Variants in PAK1IP1 observed in about 807,000 individuals in gnomAD.
The protein encoded by PAK1IP1 is p21-activated protein kinase-interacting protein 1.
Under a neutral mutation model 42.0 loss-of-function variants are expected in PAK1IP1, and 24 were observed. The observed-to-expected ratio is 0.57, with a 90% CI of 0.41 to 0.80. PAK1IP1 has a LOEUF of 0.80. Ranked by LOEUF, PAK1IP1 falls within the 30% of genes least tolerant of loss-of-function variation. PAK1IP1 has a pLI of 0.00. For missense variants in PAK1IP1, 411 were observed against 467.9 expected (o/e 0.88, Z 1.12); for synonymous variants, 154 against 156.7 (o/e 0.98, Z 0.13).
rs537649452 is a variant in PAK1IP1 at position 10,703,530 on chromosome 6, C to T, written c.496+73C>T. ...ATCTGAAATGCTCCAAAATCTGAAA[C>T]TTTTTGAGCACTGATGTGGTGCCTC... On this transcript the variant is annotated intron_variant, in intron 5 of 9. Coordinates refer to ENST00000379568, the MANE Select transcript of PAK1IP1 (RefSeq NM_017906.3). The T allele has an allele frequency of 1.8e-4, 198 of 1,118,864 alleles. 4 individuals are homozygous for T. In the South Asian group the frequency reaches 2.6e-3, roughly 15 times the overall value. The allele number at this position is 1,118,864 out of a possible 1,614,324, so 69.3% of individuals were successfully genotyped here. A position where few individuals can be genotyped will look rare whatever the true frequency, so the allele number is the denominator to read the frequency against.
chr6:10,705,343 A>G (rs1770169672), intron 7 of PAK1IP1, among the ~76,000 whole-genome samples: 1 of 152,124 alleles, frequency 6.6e-6, no homozygotes, highest in African/African-American at 2.4e-5. Flanking sequence ...ATAATGCAAA[A>G]GTGGTGAAAT....
Position 10,703,429 on chromosome 6 carries a change from A to AT in PAK1IP1, c.469dup (p.Ser157PhefsTer30). 1 of 1,611,700 alleles carries AT rather than the reference A, an allele frequency of 6.2e-7. No individual in the cohort carries two copies. Among genetic ancestry groups the AT allele is most frequent in the Non-Finnish European group, 8.5e-7 (1 of 1,178,268 alleles). ...GAACGTGGAATCTTGTAGAAGGAAGATCAGCATTCATAAAAAATATAAAAC... is the reference window on the plus strand; with the variant it reads ...GAACGTGGAATCTTGTAGAAGGAAGATTCAGCATTCATAAAAAATATAAAAC... On this transcript the variant is annotated frameshift_variant, in exon 5 of 10. Transcript: ENST00000379568. LOFTEE classifies it high-confidence loss of function.
chr6:10,701,719 T>G (rs997687135), intron 2 of PAK1IP1, among the ~76,000 whole-genome samples: 1 of 152,234 alleles, frequency 6.6e-6, no homozygotes, highest in Admixed American at 6.5e-5. Flanking sequence ...GTACACCTGG[T>G]TTGTTCCCCA....
chr6:10,709,515 T>C lies in PAK1IP1; in HGVS notation c.*63T>C, dbSNP rs1770315825. ...ATCATTCTACTCAAATGTACCTTAA[T>C]TTTTTTTTTTTCCCTGAGTAAAAGC... On this transcript the variant is annotated 3_prime_UTR_variant, in exon 10 of 10. Coordinates refer to ENST00000379568, the MANE Select transcript of PAK1IP1 (RefSeq NM_017906.3). 2 of 546,146 alleles carry C rather than the reference T, an allele frequency of 3.7e-6. No homozygotes were observed. Among genetic ancestry groups the C allele is most frequent in the Non-Finnish European group, 4.8e-6 (2 of 414,054 alleles). The allele number at this position is 546,146 out of a possible 1,614,324, so 33.8% of individuals were successfully genotyped here.
upstream of PAK1IP1, among the ~76,000 whole-genome samples, chr6:10,694,017 T>C (rs1452482461): frequency 6.6e-6 from 1 of 152,150 alleles, no homozygotes; most frequent in East Asian, 1.9e-4. Flanking sequence ...CCAGCAACTT[T>C]GGGAGGTCGA....
At chr6:10,695,768 C>G (rs886428204) in intron 1 of PAK1IP1, among the ~76,000 whole-genome samples, 26 of 152,296 alleles carry the variant, frequency 1.7e-4, no homozygotes, top group Non-Finnish European at 1.8e-4. Flanking sequence ...TGAAGCAATT[C>G]TAAGCATTTT....
chr6:10,702,137 G>A (rs1770043410), intron 2 of PAK1IP1, among the ~76,000 whole-genome samples: 1 of 152,010 alleles, frequency 6.6e-6, no homozygotes, highest in African/African-American at 2.4e-5. Context: ...TTACTCAGGA[G>A]GCTGAGGTGG....
intron 2 of PAK1IP1, among the ~76,000 whole-genome samples, chr6:10,700,766 G>A (rs1350708202): frequency 6.6e-6 from 1 of 152,090 alleles, no homozygotes; most frequent in Non-Finnish European, 1.5e-5. Context: ...ATGAAGTAGG[G>A]CTCTTGGTTT....
chr6:10,691,945 T>G (rs938715025), upstream of PAK1IP1, among the ~76,000 whole-genome samples: 2 of 152,202 alleles, frequency 1.3e-5, no homozygotes, highest in African/African-American at 4.8e-5. Flanking sequence ...GGAACAAAAG[T>G]TACTTAAGCA....
intron 2 of PAK1IP1, among the ~76,000 whole-genome samples, chr6:10,698,789 C>T (rs557655243): frequency 1.3e-5 from 2 of 152,300 alleles, no homozygotes; most frequent in East Asian, 3.9e-4. Context: ...CAGTAATAAG[C>T]CACAGACATT....
intron 1 of PAK1IP1, 118 bp downstream of exon 1, chr6:10,695,187 C>G (rs984230461): frequency 1.5e-6 from 1 of 666,816 alleles, no homozygotes; most frequent in African/African-American, 1.8e-5. Flanking sequence ...TTTGATGAAT[C>G]AAACCTAAGA....
chr6:10,700,103 G>T (rs544999009), intron 2 of PAK1IP1, among the ~76,000 whole-genome samples: 142 of 152,226 alleles, frequency 9.3e-4, no homozygotes, highest in Middle Eastern at 3.4e-3. Flanking sequence ...CTGTCACCCA[G>T]GCTGGAGTGC....
intron 8 of PAK1IP1, among the ~76,000 whole-genome samples, chr6:10,708,202 C>A (rs144075522): frequency 5.5e-4 from 82 of 147,942 alleles, no homozygotes; most frequent in African/African-American, 2.0e-3. Flanking sequence ...CCTTTCCCCC[C>A]ACTGCCAGTC....
chr6:10,702,866 G>T (rs111243084), intron 4 of PAK1IP1, among the ~76,000 whole-genome samples: 1 of 152,220 alleles, frequency 6.6e-6, no homozygotes, highest in African/African-American at 2.4e-5. Context: ...GAGTGCGGCG[G>T]CGTGATCTTG....
At chr6:10,700,851 G>A (rs536264435) in intron 2 of PAK1IP1, among the ~76,000 whole-genome samples, 3 of 151,902 alleles carry the variant, frequency 2.0e-5, no homozygotes, top group African/African-American at 7.3e-5. Context: ...AAGTTCAGGG[G>A]TACACATGCA....
At chr6:10,695,335 C>A (rs1324846282) in intron 1 of PAK1IP1, among the ~76,000 whole-genome samples, 1 of 152,084 alleles carries the variant, frequency 6.6e-6, no homozygotes, top group South Asian at 2.1e-4. Flanking sequence ...ACAAATGAGT[C>A]GTAGATTGTG....
chr6:10,702,867 C>T (rs1037558660), intron 4 of PAK1IP1, among the ~76,000 whole-genome samples: 2 of 152,030 alleles, frequency 1.3e-5, no homozygotes, highest in African/African-American at 4.8e-5. Flanking sequence ...AGTGCGGCGG[C>T]GTGATCTTGG....
chr6:10,701,280 T>C (rs988270244), intron 2 of PAK1IP1, among the ~76,000 whole-genome samples: 9 of 152,204 alleles, frequency 5.9e-5, no homozygotes, highest in African/African-American at 2.2e-4. Flanking sequence ...TTTCGCCATG[T>C]TGGCCAGGCT....
chr6:10,698,343 T>G (rs951796504), intron 2 of PAK1IP1, among the ~76,000 whole-genome samples: 3 of 152,242 alleles, frequency 2.0e-5, no homozygotes, highest in Non-Finnish European at 4.4e-5. Context: ...GGGCATATTA[T>G]GTACCCCTCT....
Sources: gnomAD v4.1 joint callset for allele counts (sites outside exome capture counted in the v4.1 genomes callset) on GRCh38, gnomAD v4.1.1 for gene constraint, MANE v1.5 for transcripts, NCBI Gene and HGNC (gene_info 2026-07-23, HGNC 2026-07-21) for gene names.